The following PTPRM variants were observed in gnomAD, a reference collection of about 807,000 sequenced individuals.
The protein encoded by PTPRM is protein tyrosine phosphatase receptor type M, also known as receptor-type tyrosine-protein phosphatase mu.
PTPRM carries 47 observed loss-of-function variants against 186.7 expected under a neutral mutation model. The ratio of observed to expected loss-of-function variants is 0.25; its 90% CI spans 0.20 to 0.32. PTPRM has a LOEUF of 0.32. Among genes scored for constraint, PTPRM ranks in the 10% least tolerant of loss-of-function variants. PTPRM has a pLI of 1.00. For missense variants in PTPRM, 1,494 were observed against 1,865.0 expected (o/e 0.80, Z 3.66); for synonymous variants, 668 against 674.9 (o/e 0.99, Z 0.16).
intron 1 of PTPRM, among the ~76,000 whole-genome samples, chr18:7,766,654 C>T (rs1052938223): frequency 1.3e-5 from 2 of 152,146 alleles, no homozygotes; most frequent in South Asian, 2.1e-4. Context: ...GGCAGGGGGG[C>T]GACCCTGCGT....
At chr18:7,627,860 G>A (rs1260828511) in intron 1 of PTPRM, among the ~76,000 whole-genome samples, 1 of 152,162 alleles carries the variant, frequency 6.6e-6, no homozygotes, top group Non-Finnish European at 1.5e-5. Context: ...GGGGTGTTGT[G>A]CGGTGCTACA....
rs939198521 is a variant in PTPRM, at chr18:7,568,829, C to A, written c.73+938C>A. 1.2e-4 allele frequency among the ~76,000 whole-genome samples: 19 copies of A among 152,174 alleles called. No individual in the cohort carries two copies. The highest frequency in any genetic ancestry group is 2.9e-5 in the Non-Finnish European group (2 of 68,038). On this transcript the variant is annotated intron_variant, in intron 1 of 32. Transcript: ENST00000580170. The surrounding 1 kb of genome is among the most constrained non-coding windows in gnomAD (Gnocchi z 5.1). The stretch of plus-strand genomic sequence containing the variant: ...GGGTCCGGCGTGGGGGCGAACCCGG[C>A]ACGCTGTCACAGGGGTTTACAACCA...
intron 1 of PTPRM, among the ~76,000 whole-genome samples, chr18:7,651,553 G>T (rs1300831516): frequency 6.6e-6 from 1 of 151,944 alleles, no homozygotes; most frequent in South Asian, 2.1e-4. Context: ...CCAAAACAGA[G>T]ATATAGATCA....
chr18:8,154,138 T>C (rs722021), intron 14 of PTPRM, among the ~76,000 whole-genome samples: 6,677 of 152,224 alleles, frequency 0.044, 328 homozygotes, highest in African/African-American at 0.12. Context: ...ATCTTCCAGC[T>C]ACATGTTTTC....
At chr18:8,105,755 G>T (rs2091486632) in intron 11 of PTPRM, among the ~76,000 whole-genome samples, 1 of 152,186 alleles carries the variant, frequency 6.6e-6, no homozygotes, top group African/African-American at 2.4e-5. Context: ...GACAGGGAAG[G>T]TCAGGAATGG....
At chr18:7,680,779 T>A (rs1374411006) in intron 1 of PTPRM, among the ~76,000 whole-genome samples, 1 of 152,234 alleles carries the variant, frequency 6.6e-6, no homozygotes, top group African/African-American at 2.4e-5. Context: ...GTGAAATGTG[T>A]CATTCTTTCT....
intron 1 of PTPRM, among the ~76,000 whole-genome samples, chr18:7,755,724 A>G (rs977464980): frequency 6.6e-6 from 1 of 152,204 alleles, no homozygotes; most frequent in Non-Finnish European, 1.5e-5. Context: ...ACCTTCAAAA[A>G]GTGATAGGTT....
intron 17 of PTPRM, among the ~76,000 whole-genome samples, chr18:8,248,984 AC>A (rs1315320687): frequency 6.6e-6 from 1 of 152,226 alleles, no homozygotes; most frequent in African/African-American, 2.4e-5. Flanking sequence ...TGATAACCAA[AC>A]AAGCATGAGC....
intron 7 of PTPRM, among the ~76,000 whole-genome samples, chr18:8,056,117 G>A (rs746246449): frequency 6.6e-6 from 1 of 152,028 alleles, no homozygotes; most frequent in African/African-American, 2.4e-5. Flanking sequence ...CTTTATGGAT[G>A]TATTCTTCAT....
At chr18:8,205,953 G>A (rs982367332) in intron 14 of PTPRM, among the ~76,000 whole-genome samples, 1 of 152,140 alleles carries the variant, frequency 6.6e-6, no homozygotes, top group African/African-American at 2.4e-5. Flanking sequence ...TGGTGGCAGC[G>A]TGTGAGGTCT....
intron 1 of PTPRM, among the ~76,000 whole-genome samples, chr18:7,718,652 C>T (rs757670656): frequency 2.2e-4 from 33 of 152,126 alleles, no homozygotes; most frequent in Admixed American, 1.3e-4. Context: ...AAAATATTTG[C>T]AAACTGTGCA....
At chr18:7,881,772 C>T (rs532157299) in intron 2 of PTPRM, among the ~76,000 whole-genome samples, 2 of 152,250 alleles carry the variant, frequency 1.3e-5, no homozygotes, top group Admixed American at 1.3e-4. Flanking sequence ...TATTGGCACC[C>T]TTTATTTTCT....
chr18:7,921,727 T>C (rs892401032), intron 4 of PTPRM, among the ~76,000 whole-genome samples: 1 of 139,232 alleles, frequency 7.2e-6, no homozygotes, highest in Non-Finnish European at 1.5e-5. Context: ...GTTTCAAGAT[T>C]TCTGTTTTTT....
chr18:7,781,935 T>C (rs1253236363), intron 2 of PTPRM, among the ~76,000 whole-genome samples: 1 of 152,156 alleles, frequency 6.6e-6, no homozygotes, highest in Non-Finnish European at 1.5e-5. Flanking sequence ...AGCTGTAATA[T>C]AATCACTAGT....
At chr18:8,068,346 T>A (rs2148426795) in intron 7 of PTPRM, among the ~76,000 whole-genome samples, 1 of 152,262 alleles carries the variant, frequency 6.6e-6, no homozygotes, top group South Asian at 2.1e-4. Context: ...ACACAAAACA[T>A]TTTAGGTTAG....
chr18:8,235,190 A>G (rs981639907), intron 14 of PTPRM, among the ~76,000 whole-genome samples: 1 of 152,132 alleles, frequency 6.6e-6, no homozygotes, highest in Non-Finnish European at 1.5e-5. Context: ...TTAACAGTGA[A>G]ACCATCTGAG....
chr18:8,048,847 T>G (rs975633614), intron 7 of PTPRM, among the ~76,000 whole-genome samples: 1 of 152,226 alleles, frequency 6.6e-6, no homozygotes, highest in Admixed American at 6.5e-5. Flanking sequence ...AAATTGTATT[T>G]GATTCACTTT....
At chr18:8,130,869 C>T (rs1171929647) in intron 13 of PTPRM, among the ~76,000 whole-genome samples, 1 of 152,210 alleles carries the variant, frequency 6.6e-6, no homozygotes, top group Non-Finnish European at 1.5e-5. Flanking sequence ...CTCTCAACAT[C>T]TCAGCTTCCA....
At chr18:7,583,011 A>G (rs1290469129) in intron 1 of PTPRM, among the ~76,000 whole-genome samples, 1 of 152,198 alleles carries the variant, frequency 6.6e-6, no homozygotes, top group African/African-American at 2.4e-5. Flanking sequence ...TTCCTTGGTC[A>G]TCCTGTGTAA....
Sources: gnomAD v4.1 joint callset for allele counts (sites outside exome capture counted in the v4.1 genomes callset) on GRCh38, gnomAD v4.1.1 for gene constraint, Gnocchi (gnomAD v3.1) non-coding constraint, MANE v1.5 for transcripts, NCBI Gene and HGNC (gene_info 2026-07-23, HGNC 2026-07-21) for gene names.